Variants in CMC1 observed in about 807,000 individuals in gnomAD.
CMC1 encodes COX assembly mitochondrial protein homolog.
In CMC1, 14 loss-of-function variants were observed where a neutral mutation model predicts 14.1. That is an observed-to-expected ratio of 0.99 (90% CI 0.66 to 1.55). CMC1 has a LOEUF of 1.55. Ranked by LOEUF, CMC1 falls within the 40% of genes most tolerant of loss-of-function variation. CMC1 has a pLI of 0.00. For synonymous variants in CMC1, 50 were observed against 38.4 expected, an observed-to-expected ratio of 1.30 and a Z score of -1.12; for missense variants, 127 against 123.8, an observed-to-expected ratio of 1.03 and a Z score of -0.12.
intron 2 of CMC1, among the ~76,000 whole-genome samples, chr3:28,291,521 C>T (rs1488991712): frequency 1.3e-5 from 2 of 152,122 alleles, no homozygotes; most frequent in Non-Finnish European, 2.9e-5. Flanking sequence ...TCTCTTCTGT[C>T]ATCTCACTCT....
intron 1 of CMC1, among the ~76,000 whole-genome samples, chr3:28,247,037 A>AT (rs769278957): frequency 2.0e-5 from 3 of 152,174 alleles, no homozygotes; most frequent in East Asian, 3.9e-4. Context: ...GTACATAAGT[A>AT]TTTTTTGTGT....
At chr3:28,245,947 ATTT>A (rs1559395506) in intron 1 of CMC1, among the ~76,000 whole-genome samples, 4 of 152,018 alleles carry the variant, frequency 2.6e-5, no homozygotes. Flanking sequence ...GATTAGAAAA[ATTT>A]TTTATTTTTT....
At position 28,324,112 on chromosome 3, in the gene CMC1, A is replaced by G. The variant is rs376499436; in HGVS notation, c.*4483A>G. ...CAGTGGTGGAAGGTTGGGTAAAGGC[A>G]AAGTTTTAGTTTTAGTTTCCCCAAA... On this transcript the variant is annotated 3_prime_UTR_variant, in exon 4 of 4. Transcript: ENST00000466830. 6 of 1,610,390 alleles carry G rather than the reference A, an allele frequency of 3.7e-6. No homozygotes were observed. The Admixed American group carries it at 8.4e-5, about 22-fold the overall frequency.
intron 1 of CMC1, among the ~76,000 whole-genome samples, chr3:28,247,462 G>T (rs1698884983): frequency 6.6e-6 from 1 of 152,180 alleles, no homozygotes; most frequent in Non-Finnish European, 1.5e-5. Context: ...TGGAGGCAAG[G>T]GAGCTGGGCT....
intron 2 of CMC1, among the ~76,000 whole-genome samples, chr3:28,301,872 C>CTA (rs1376990943): frequency 6.6e-6 from 1 of 151,850 alleles, no homozygotes; most frequent in African/African-American, 2.4e-5. Flanking sequence ...TTTTTTCAGC[C>CTA]TATAGTACTC....
intron 2 of CMC1, among the ~76,000 whole-genome samples, chr3:28,313,489 T>G (rs1702743139): frequency 6.6e-6 from 1 of 152,228 alleles, no homozygotes; most frequent in Non-Finnish European, 1.5e-5. Flanking sequence ...TGATTTAAAT[T>G]GGATTTGTTT....
chr3:28,311,715 G>A (rs1024038506), intron 2 of CMC1, among the ~76,000 whole-genome samples: 31 of 152,254 alleles, frequency 2.0e-4, no homozygotes, highest in African/African-American at 6.7e-4. Flanking sequence ...CACTACAGAA[G>A]TCCTCACATA....
At chr3:28,259,142 AT>A (rs1410734887) in intron 1 of CMC1, among the ~76,000 whole-genome samples, 1 of 150,950 alleles carries the variant, frequency 6.6e-6, no homozygotes, top group Non-Finnish European at 1.5e-5. Context: ...TTATAACTTT[AT>A]TTTTTAATAA....
chr3:28,267,053 C>A (rs1380066424), intron 2 of CMC1, among the ~76,000 whole-genome samples: 1 of 152,128 alleles, frequency 6.6e-6, no homozygotes, highest in Non-Finnish European at 1.5e-5. Context: ...TTTCTTGGAT[C>A]TAGGAGTTAG....
intron 2 of CMC1, among the ~76,000 whole-genome samples, chr3:28,301,329 C>G (rs1310670382): frequency 1.3e-5 from 2 of 152,106 alleles, no homozygotes; most frequent in Non-Finnish European, 2.9e-5. Context: ...AAGCGATCCT[C>G]CCACCTCAGC....
chr3:28,309,970 CACACA>C, intron 2 of CMC1, among the ~76,000 whole-genome samples: 1 of 151,654 alleles, frequency 6.6e-6, no homozygotes. Flanking sequence ...CACACACACA[CACACA>C]CACACACACA....
chr3:28,313,148 G>A lies in CMC1; in HGVS notation c.110-3185G>A, dbSNP rs140759648. Among the ~76,000 whole-genome samples the A allele has an allele frequency of 7.0e-3, 1,068 of 152,178 alleles. 13 individuals are homozygous for A. The highest frequency in any genetic ancestry group is 0.024 in the African/African-American group (993 of 41,518). On this transcript the variant is annotated intron_variant, in intron 2 of 3. Coordinates refer to ENST00000466830, the MANE Select transcript of CMC1 (RefSeq NM_182523.2). Reference sequence around the variant, plus strand: ...TGGGATTACAGGCGTGAGCCACCGTGCCTGGCTTCAAAGAATATTTTTACC... The same window carrying A: ...TGGGATTACAGGCGTGAGCCACCGTACCTGGCTTCAAAGAATATTTTTACC...
At chr3:28,248,286 G>T (rs1297383538) in intron 1 of CMC1, among the ~76,000 whole-genome samples, 1 of 152,128 alleles carries the variant, frequency 6.6e-6, no homozygotes, top group Non-Finnish European at 1.5e-5. Flanking sequence ...CAGATAAAAG[G>T]ATAGGTCAGT....
At chr3:28,295,565 C>T (rs902519656) in intron 2 of CMC1, among the ~76,000 whole-genome samples, 1 of 152,198 alleles carries the variant, frequency 6.6e-6, no homozygotes, top group South Asian at 2.1e-4. Flanking sequence ...TCCTACACCC[C>T]TTAACTTCTC....
chr3:28,252,486 T>A (rs566400899), intron 1 of CMC1, among the ~76,000 whole-genome samples: 2 of 152,214 alleles, frequency 1.3e-5, no homozygotes, highest in Non-Finnish European at 1.5e-5. Context: ...GCTGACAAAT[T>A]GCTCCCCTTG....
chr3:28,273,498 C>T (rs1227360147), intron 2 of CMC1, among the ~76,000 whole-genome samples: 1 of 152,088 alleles, frequency 6.6e-6, no homozygotes, highest in Non-Finnish European at 1.5e-5. Context: ...TTCGCATTTG[C>T]TAAGGAGTGT....
chr3:28,281,368 C>A (rs1341332193), intron 2 of CMC1, among the ~76,000 whole-genome samples: 1 of 152,070 alleles, frequency 6.6e-6, no homozygotes, highest in African/African-American at 2.4e-5. Context: ...AACTTGATTC[C>A]TTTTCTGAGT....
intron 2 of CMC1, among the ~76,000 whole-genome samples, chr3:28,272,680 T>C (rs1320977589): frequency 6.6e-6 from 1 of 152,116 alleles, no homozygotes; most frequent in Non-Finnish European, 1.5e-5. Context: ...CTTGAAGTTT[T>C]CTTTTTTCTT....
intron 1 of CMC1, among the ~76,000 whole-genome samples, chr3:28,243,170 C>T (rs769092609): frequency 2.0e-5 from 3 of 152,076 alleles, no homozygotes; most frequent in Admixed American, 2.0e-4. Flanking sequence ...ATTCTCCCAC[C>T]GCAGCCTCCT....
Sources: gnomAD v4.1 joint callset for allele counts (sites outside exome capture counted in the v4.1 genomes callset) on GRCh38, gnomAD v4.1.1 for gene constraint, MANE v1.5 for transcripts, NCBI Gene and HGNC (gene_info 2026-07-23, HGNC 2026-07-21) for gene names.